The following RFC2 variants were observed in gnomAD, a reference collection of about 807,000 sequenced individuals.
The protein encoded by RFC2 is replication factor C subunit 2, also known as A1 40 kDa subunit.
A neutral mutation model predicts 44.8 loss-of-function variants in RFC2; 34 were observed. The observed-to-expected ratio is 0.76, with a 90% confidence interval of 0.58 to 1.01. RFC2 has a LOEUF of 1.01. RFC2 is among the 50% of genes least tolerant of loss of function. The pLI, the probability that RFC2 is intolerant of heterozygous loss-of-function variation, is 0.00. For missense variants in RFC2, 400 were observed against 453.6 expected (o/e 0.88, Z 1.07); for synonymous variants, 177 against 168.9 (o/e 1.05, Z -0.37).
In RFC2 at chr7:74,249,065, C is replaced by T; in HGVS notation, c.279G>A (p.Leu93=). Residue 93 remains leucine (L), a synonymous_variant, in exon 4 of 11, where the codon CTG becomes CTA. Transcript: ENST00000055077. ...TGGCATCTTTGAGTGCTGGGCCCAG[C>T]AGGGCCCGGGCCAAGCACAGAATGC... The part of the protein sequence containing the change: ...TTSILCLARA[L]LGPALKDAML... 1 of 1,614,026 alleles carries T rather than the reference C, an allele frequency of 6.2e-7. No individual in the cohort carries two copies. The highest frequency in any genetic ancestry group is 1.1e-5 in the South Asian group (1 of 91,082).
intron 3 of RFC2, among the ~76,000 whole-genome samples, chr7:74,249,481 C>T (rs540054819): frequency 6.6e-6 from 1 of 151,956 alleles, no homozygotes; most frequent in South Asian, 2.1e-4. Context: ...GGAGAGGTTG[C>T]GGTGAGCAGA....
rs2116273993 is a variant in RFC2, at chr7:74,238,665, C to T, written c.759+258G>A. The stretch of plus-strand genomic sequence containing the variant: ...ATCAAATAAGACACGTCAGAAATTG[C>T]TCGACCCTGGGTCTGATGCATCCGT... On this transcript the variant is annotated intron_variant, in intron 8 of 10. Coordinates refer to ENST00000055077, the MANE Select transcript of RFC2 (RefSeq NM_181471.3). The surrounding 1 kb of genome is among the most constrained non-coding windows in gnomAD (Gnocchi z 4.0). Among the ~76,000 whole-genome samples the T allele has an allele frequency of 1.3e-5, 2 of 152,264 alleles. No individual in the cohort carries two copies. The highest frequency in any genetic ancestry group is 3.9e-4 in the East Asian group (2 of 5,172).
chr7:74,250,189 G>C (rs1431620388), intron 2 of RFC2, among the ~76,000 whole-genome samples: 1 of 150,972 alleles, frequency 6.6e-6, no homozygotes, highest in Non-Finnish European at 1.5e-5. Flanking sequence ...TGGTTAATTT[G>C]TAAGCTTTAG....
In RFC2 at chr7:74,238,931, C is replaced by T. The variant is rs201398642; in HGVS notation, c.751G>A (p.Val251Met). ...CACACTAGCGCTTGTACCTTGAACA[C>T]GTTCTCACTGTTAATGAAGCCAAAT... Reference protein sequence around the residue: ...SGFGFINSENVFKVCDEPHPL... With the variant: ...SGFGFINSENMFKVCDEPHPL... The change falls in exon 8 of 11, where the codon GTG (valine) becomes ATG (methionine). Residue 251 changes from valine to methionine, a missense_variant. Coordinates refer to ENST00000055077, the MANE Select transcript of RFC2 (RefSeq NM_181471.3). This position sits in a 1 kb window ranked among gnomAD's most constrained non-coding sequence, Gnocchi z 4.0. 2.9e-5 allele frequency: 46 copies of T among 1,613,524 alleles called. No homozygotes were observed. The highest frequency in any genetic ancestry group is 6.7e-5 in the African/African-American group (5 of 74,912).
rs1802744419 is a variant in RFC2 at position 74,231,880 on chromosome 7, A to T, written c.*226T>A. On this transcript the variant is annotated 3_prime_UTR_variant, in exon 11 of 11. Transcript: ENST00000055077. ...TTTTTAGTAAAGACAGGGTTTCCCCATGTTGGCCAGGCTGGTCTTGAACTT... is the reference window on the plus strand; with the variant it reads ...TTTTTAGTAAAGACAGGGTTTCCCCTTGTTGGCCAGGCTGGTCTTGAACTT... 5.2e-6 allele frequency: 2 copies of T among 386,730 alleles called. No homozygotes were observed. The highest frequency in any genetic ancestry group is 9.3e-6 in the Non-Finnish European group (2 of 214,464). 24.0% of individuals were successfully genotyped at this position (386,730 alleles called of 1,614,324 possible).
chr7:74,243,103 T>G (rs1554719461), intron 6 of RFC2, 43 bp downstream of exon 6: 2 of 1,323,444 alleles, frequency 1.5e-6, no homozygotes, highest in East Asian at 2.3e-5. Context: ...AAAAGCCCAG[T>G]TGAGCACCAC....
Position 74,245,688 on chromosome 7 carries a change from G to A in RFC2, c.434+974C>T, listed in dbSNP as rs527971891. On this transcript the variant is annotated intron_variant, in intron 5 of 10. Coordinates refer to ENST00000055077, the MANE Select transcript of RFC2 (RefSeq NM_181471.3). ...AGATTGCGCCACTGCACTCCAGCCT[G>A]GGCGACAGAGCAAGACTCCGTCTCA... Among the ~76,000 whole-genome samples the A allele has an allele frequency of 4.0e-5, 6 of 148,906 alleles. No homozygotes were observed. In the South Asian group the frequency reaches 1.3e-3, roughly 32 times the overall value.
intron 9 of RFC2, 141 bp downstream of exon 9, chr7:74,237,221 C>T: frequency 1.7e-6 from 1 of 604,854 alleles, no homozygotes; most frequent in Non-Finnish European, 3.1e-6. Context: ...TCAACAAATC[C>T]TCCTGCCTCA....
chr7:74,235,706 T>C (rs1554718214), intron 9 of RFC2, 61 bp from the exon 10 acceptor site: 2 of 1,167,912 alleles, frequency 1.7e-6, no homozygotes, highest in African/African-American at 3.0e-5. Flanking sequence ...ACATGTGATT[T>C]TGAGACTCAC....
chr7:74,247,891 T>C (rs1803713974), intron 4 of RFC2, among the ~76,000 whole-genome samples: 1 of 152,186 alleles, frequency 6.6e-6, no homozygotes, highest in South Asian at 2.1e-4. Flanking sequence ...AAATTCACTT[T>C]TGCTCAAGTC....
In RFC2 at chr7:74,238,035, G is replaced by A. The variant is rs1349733986; in HGVS notation, c.760-593C>T. On this transcript the variant is annotated intron_variant, in intron 8 of 10. Transcript: ENST00000055077. This position sits in a 1 kb window ranked among gnomAD's most constrained non-coding sequence, Gnocchi z 4.0. ...ATGAAAGCCTCCTGATGGCTCCAGA[G>A]GTCACCCACACCTGCCCTTGCCTTT... 2.0e-5 allele frequency among the ~76,000 whole-genome samples: 3 copies of A among 152,018 alleles called. No homozygotes were observed. The highest frequency in any genetic ancestry group is 2.9e-5 in the Non-Finnish European group (2 of 68,006).
intron 10 of RFC2, among the ~76,000 whole-genome samples, chr7:74,235,249 C>A (rs1802943181): frequency 1.3e-5 from 2 of 152,244 alleles, no homozygotes; most frequent in African/African-American, 4.8e-5. Flanking sequence ...GTTGGCCAGG[C>A]TGGTCTCAAA....
intron 10 of RFC2, among the ~76,000 whole-genome samples, chr7:74,234,524 T>C (rs868978028): frequency 2.0e-5 from 3 of 152,028 alleles, no homozygotes; most frequent in Middle Eastern, 3.4e-3. Flanking sequence ...CAGAACTGTG[T>C]GAAACAAACT....
At chr7:74,232,254 G>T in intron 10 of RFC2, 38 bp from the exon 11 acceptor site, 1 of 1,071,864 alleles carries the variant, frequency 9.3e-7, no homozygotes. Flanking sequence ...GTTAATAAGT[G>T]GGGGAGTTCT....
intron 5 of RFC2, among the ~76,000 whole-genome samples, chr7:74,244,157 A>G (rs1395372665): frequency 1.3e-5 from 2 of 150,692 alleles, no homozygotes; most frequent in African/African-American, 4.9e-5. Context: ...AGTCCCAGCT[A>G]CTCGTGAGGC....
rs868954830 is a variant in RFC2, at chr7:74,233,600, T to A, written c.955-1384A>T. Reference sequence around the variant, plus strand: ...TTTTGTTGTTGTTGTTATTGGTTTTTTTTTTTTTTTTTTTTTTAAGATGGA... The same window carrying A: ...TTTTGTTGTTGTTGTTATTGGTTTTATTTTTTTTTTTTTTTTTAAGATGGA... On this transcript the variant is annotated intron_variant, in intron 10 of 10. Coordinates refer to ENST00000055077, the MANE Select transcript of RFC2 (RefSeq NM_181471.3). Among the ~76,000 whole-genome samples the A allele has an allele frequency of 2.3e-4, 34 of 149,094 alleles. 1 individual carries two copies. The East Asian group carries it at 5.1e-3, about 22-fold the overall frequency.
rs1802723042 is a variant in RFC2 at position 74,231,557 on chromosome 7, C to A, written c.*549G>T. On this transcript the variant is annotated 3_prime_UTR_variant, in exon 11 of 11. Transcript: ENST00000055077. ...CTAAAATGTCAACCCACACACAGAT[C>A]AGAGACCGCCCTCAGCTTCTCTGCG... 6.5e-6 allele frequency: 1 copy of A among 153,324 alleles called. No individual in the cohort carries two copies. Among genetic ancestry groups the A allele is most frequent in the African/African-American group, 2.4e-5 (1 of 41,460 alleles). The allele number at this position is 153,324 out of a possible 1,614,324, so 9.5% of individuals were successfully genotyped here.
chr7:74,248,442 C>G (rs1554720462), intron 4 of RFC2, among the ~76,000 whole-genome samples: 2 of 151,472 alleles, frequency 1.3e-5, no homozygotes, highest in East Asian at 3.9e-4. Flanking sequence ...TCAGCCTGGG[C>G]AACATAGTGA....
At chr7:74,247,382 C>T (rs1014014183) in intron 4 of RFC2, among the ~76,000 whole-genome samples, 2 of 152,184 alleles carry the variant, frequency 1.3e-5, no homozygotes, top group South Asian at 4.1e-4. Flanking sequence ...GTGGCTCACA[C>T]CTGTAATCCC....
Sources: gnomAD v4.1 joint callset for allele counts (sites outside exome capture counted in the v4.1 genomes callset) on GRCh38, gnomAD v4.1.1 for gene constraint, Gnocchi (gnomAD v3.1) non-coding constraint, MANE v1.5 for transcripts, NCBI Gene and HGNC (gene_info 2026-07-23, HGNC 2026-07-21) for gene names.